ATXN1: variants seen among roughly 807,000 people sequenced by gnomAD.
The protein encoded by ATXN1 is ataxin-1.
In ATXN1, 8 loss-of-function variants were observed where a neutral mutation model predicts 56.4. That is an observed-to-expected ratio of 0.14 (90% CI 0.08 to 0.26). The LOEUF is 0.26. Among genes scored for constraint, ATXN1 ranks in the 10% least tolerant of loss-of-function variants. ATXN1 has a pLI of 1.00. For synonymous variants in ATXN1, 514 were observed against 494.6 expected (o/e 1.04, Z -0.52); for missense variants, 987 against 1,106.5 (o/e 0.89, Z 1.53).
At chr6:16,451,873 T>C (rs1759760583) in intron 6 of ATXN1, among the ~76,000 whole-genome samples, 1 of 152,200 alleles carries the variant, frequency 6.6e-6, no homozygotes, top group Admixed American at 6.5e-5. Flanking sequence ...AACAAGTTGT[T>C]TAAAAGGTTG....
chr6:16,542,296 T>C (rs1396415650), intron 4 of ATXN1, among the ~76,000 whole-genome samples: 2 of 152,196 alleles, frequency 1.3e-5, no homozygotes, highest in African/African-American at 2.4e-5. Flanking sequence ...CATCACCGCA[T>C]CCTATTTATT....
At chr6:16,408,501 C>T (rs911770612) in intron 6 of ATXN1, among the ~76,000 whole-genome samples, 7 of 144,868 alleles carry the variant, frequency 4.8e-5, no homozygotes, top group African/African-American at 1.8e-4. Flanking sequence ...GAATGAGGAA[C>T]ATGATGAGGA....
chr6:16,311,791 T>A (rs983295322), intron 7 of ATXN1, among the ~76,000 whole-genome samples: 2 of 152,202 alleles, frequency 1.3e-5, no homozygotes, highest in Non-Finnish European at 2.9e-5. Flanking sequence ...CAAGTGGAGA[T>A]TGTTTTGCTG....
intron 2 of ATXN1, among the ~76,000 whole-genome samples, chr6:16,694,492 A>T (rs2113423971): frequency 6.6e-6 from 1 of 152,286 alleles, no homozygotes; most frequent in Non-Finnish European, 1.5e-5. Flanking sequence ...CTTCTTTAAA[A>T]GAAATTATGT....
intron 6 of ATXN1, among the ~76,000 whole-genome samples, chr6:16,332,228 G>C (rs1035100322): frequency 6.6e-6 from 1 of 152,278 alleles, no homozygotes; most frequent in East Asian, 1.9e-4. Flanking sequence ...TAAGCTTTCA[G>C]TACTGATAAG....
chr6:16,427,687 G>C (rs111890224), intron 6 of ATXN1, among the ~76,000 whole-genome samples: 1 of 152,180 alleles, frequency 6.6e-6, no homozygotes, highest in African/African-American at 2.4e-5. Flanking sequence ...TTGAGCTCTA[G>C]AAGCCAGGAT....
chr6:16,726,863 A>G (rs1150632), intron 2 of ATXN1, among the ~76,000 whole-genome samples: 10,146 of 152,262 alleles, frequency 0.067, 1,117 homozygotes, highest in African/African-American at 0.23. Context: ...CATCTCAAAA[A>G]AAAACAAAGA....
chr6:16,538,074 C>T (rs1159713346), intron 4 of ATXN1, among the ~76,000 whole-genome samples: 1 of 152,122 alleles, frequency 6.6e-6, no homozygotes, highest in Non-Finnish European at 1.5e-5. Context: ...TTGATGAAAC[C>T]CCTTGTAATA....
chr6:16,630,008 G>A (rs932927079), intron 3 of ATXN1, among the ~76,000 whole-genome samples: 3 of 151,814 alleles, frequency 2.0e-5, no homozygotes, highest in Non-Finnish European at 4.4e-5. Context: ...TTAACATCTT[G>A]CCCATTTATT....
At chr6:16,642,753 C>G (rs937335230) in intron 3 of ATXN1, among the ~76,000 whole-genome samples, 11 of 152,178 alleles carry the variant, frequency 7.2e-5, no homozygotes, top group Non-Finnish European at 1.6e-4. Context: ...CCTTTACCAA[C>G]AAAACGATTA....
chr6:16,514,349 C>T (rs1158656393), intron 5 of ATXN1, among the ~76,000 whole-genome samples: 1 of 152,150 alleles, frequency 6.6e-6, no homozygotes, highest in Non-Finnish European at 1.5e-5. Context: ...GACATTACCC[C>T]TCATGTCCCA....
chr6:16,659,268 T>C (rs1445085655), intron 2 of ATXN1, among the ~76,000 whole-genome samples: 1 of 152,192 alleles, frequency 6.6e-6, no homozygotes, highest in Admixed American at 6.5e-5. Context: ...TTTTATTAGT[T>C]TTATGTAACT....
chr6:16,369,881 T>A (rs866617560), intron 6 of ATXN1, among the ~76,000 whole-genome samples: 1 of 152,208 alleles, frequency 6.6e-6, no homozygotes, highest in Non-Finnish European at 1.5e-5. Context: ...ACATGAACTA[T>A]GAAGCTATTA....
intron 4 of ATXN1, among the ~76,000 whole-genome samples, chr6:16,543,209 G>A (rs9477156): frequency 0.1 from 15,445 of 152,138 alleles, 2,555 homozygotes; most frequent in African/African-American, 0.35. Context: ...CCTTCCCACC[G>A]TCCCGCAGCC....
chr6:16,584,547 TG>T (rs1201111786), intron 4 of ATXN1, among the ~76,000 whole-genome samples: 1 of 151,906 alleles, frequency 6.6e-6, no homozygotes, highest in Non-Finnish European at 1.5e-5. Context: ...ATTTCTGAAA[TG>T]TCGAAATCTG....
chr6:16,645,126 T>C (rs909076056), intron 3 of ATXN1, among the ~76,000 whole-genome samples: 1 of 152,200 alleles, frequency 6.6e-6, no homozygotes, highest in Non-Finnish European at 1.5e-5. Context: ...CCTGTTGCCA[T>C]GTGTCTTTTA....
In ATXN1 at chr6:16,524,643, T is replaced by C. The variant is rs1308507666; in HGVS notation, c.-360-1955A>G. Among the ~76,000 whole-genome samples the C allele has an allele frequency of 5.3e-5, 8 of 152,366 alleles. No homozygotes were observed. In the South Asian group the frequency reaches 1.0e-3, roughly 20 times the overall value. On this transcript the variant is annotated intron_variant, in intron 4 of 7. Coordinates refer to ENST00000436367, the MANE Select transcript of ATXN1 (RefSeq NM_001128164.2). ...TTCTAGTTTTTAGTGTGGCGCTTGG[T>C]ACACAGAAGAGACTGAATAAAACAA... is the stretch of plus-strand genomic sequence containing the variant.
chr6:16,726,294 C>T lies in ATXN1; in HGVS notation c.-615+26939G>A, dbSNP rs140731493. On this transcript the variant is annotated intron_variant, in intron 2 of 7. Coordinates refer to ENST00000436367, the MANE Select transcript of ATXN1 (RefSeq NM_001128164.2). ...ACACAGGTGGCTGAGGCAAGAGAAT[C>T]GCTGGAACCCGGGGGAGCAGAGGCT... Among the ~76,000 whole-genome samples, 125 of 150,104 alleles carry T rather than the reference C, an allele frequency of 8.3e-4. 1 individual carries two copies. The highest frequency in any genetic ancestry group is 2.7e-3 in the African/African-American group (110 of 40,696).
At chr6:16,325,634 C>T (rs1336399273) in intron 7 of ATXN1, among the ~76,000 whole-genome samples, 2 of 152,158 alleles carry the variant, frequency 1.3e-5, no homozygotes, top group African/African-American at 2.4e-5. Context: ...CCCCACTTTA[C>T]GGTGTTCTAC....
Sources: gnomAD v4.1 joint callset for allele counts (sites outside exome capture counted in the v4.1 genomes callset) on GRCh38, gnomAD v4.1.1 for gene constraint, MANE v1.5 for transcripts, NCBI Gene and HGNC (gene_info 2026-07-23, HGNC 2026-07-21) for gene names.